UBAC2: variants seen among roughly 807,000 people sequenced by gnomAD.
The protein encoded by UBAC2 is ubiquitin-associated domain-containing protein 2.
A neutral mutation model predicts 44.0 loss-of-function variants in UBAC2; 26 were observed. That is an observed-to-expected ratio of 0.59 (90% CI 0.43 to 0.82). The LOEUF (loss-of-function observed/expected upper bound fraction) is 0.82, where lower values mean the gene tolerates loss of function less well. Among genes scored for constraint, UBAC2 ranks in the 40% least tolerant of loss-of-function variants. The probability of loss-of-function intolerance (pLI) is 0.00; values close to 1 mark genes in which losing one functional copy is unlikely to be tolerated. For synonymous variants in UBAC2, 155 were observed against 154.3 expected, an observed-to-expected ratio of 1.00 and a Z score of -0.04; for missense variants, 329 against 419.4, an observed-to-expected ratio of 0.78 and a Z score of 1.88.
At chr13:99,228,003 A>G (rs1594019992) in intron 1 of UBAC2, among the ~76,000 whole-genome samples, 1 of 152,326 alleles carries the variant, frequency 6.6e-6, no homozygotes, top group Non-Finnish European at 1.5e-5. Context: ...GAGACTTGAG[A>G]CCAAGAATTT....
At position 99,200,923 on chromosome 13, in the gene UBAC2, C is replaced by T. The variant is rs1405868550; in HGVS notation, c.15C>T (p.Thr5=). The T allele has an allele frequency of 5.4e-6, 7 of 1,306,604 alleles. No individual in the cohort carries two copies. The African/African-American group carries it at 7.6e-5, about 14-fold the overall frequency. 80.9% of individuals were successfully genotyped at this position (1,306,604 alleles called of 1,614,324 possible). A position where few individuals can be genotyped will look rare whatever the true frequency, so the allele number is the denominator to read the frequency against. ...CCGGCGGGACCATGTTCACCAGCAC[C>T]GGCTCCAGTGGGCTCTGTGAGTACC... The part of the protein sequence containing the change: MFTS[T]GSSGLYKAPL... Residue 5 remains threonine (T), a synonymous_variant, in exon 1 of 9, where the codon ACC becomes ACT. Coordinates refer to ENST00000403766, the MANE Select transcript of UBAC2 (RefSeq NM_001144072.2).
intron 4 of UBAC2, among the ~76,000 whole-genome samples, chr13:99,277,324 G>A (rs534065674): frequency 3.3e-5 from 5 of 152,138 alleles, no homozygotes; most frequent in African/African-American, 1.2e-4. Context: ...TCAGGAGTTC[G>A]AGACCAGCCT....
chr13:99,369,345 G>A (rs1191937460), intron 8 of UBAC2, among the ~76,000 whole-genome samples: 1 of 152,178 alleles, frequency 6.6e-6, no homozygotes, highest in African/African-American at 2.4e-5. Context: ...CAAATTTTGA[G>A]TTTTGCTCTT....
intron 1 of UBAC2, among the ~76,000 whole-genome samples, chr13:99,228,980 A>G (rs1194332998): frequency 6.6e-6 from 1 of 152,254 alleles, no homozygotes; most frequent in Admixed American, 6.5e-5. Context: ...CTTATGAATA[A>G]GATGAAGGTG....
intron 1 of UBAC2, among the ~76,000 whole-genome samples, chr13:99,236,951 G>A (rs1227318498): frequency 3.4e-5 from 5 of 148,388 alleles, no homozygotes; most frequent in Admixed American, 6.9e-5. Flanking sequence ...GTACAGTCAC[G>A]ATGGAAAACA....
At chr13:99,375,732 A>G (rs1469420376) in intron 8 of UBAC2, among the ~76,000 whole-genome samples, 3 of 151,924 alleles carry the variant, frequency 2.0e-5, no homozygotes, top group South Asian at 2.1e-4. Flanking sequence ...TATGTCAAAG[A>G]GGAGTTGAAT....
intron 1 of UBAC2, among the ~76,000 whole-genome samples, chr13:99,227,993 G>A (rs543025279): frequency 8.5e-5 from 13 of 152,326 alleles, no homozygotes; most frequent in African/African-American, 2.9e-4. Context: ...GTGTCACCTT[G>A]AGACTTGAGA....
At chr13:99,216,345 TC>T (rs1281179021) in intron 1 of UBAC2, among the ~76,000 whole-genome samples, 1 of 152,186 alleles carries the variant, frequency 6.6e-6, no homozygotes, top group African/African-American at 2.4e-5. Context: ...ACTCAGGTGA[TC>T]CGCTCACCTT....
intron 5 of UBAC2, among the ~76,000 whole-genome samples, chr13:99,316,596 G>A (rs1007288701): frequency 2.0e-5 from 3 of 152,210 alleles, no homozygotes; most frequent in Admixed American, 1.3e-4. Context: ...CCCACTGGGT[G>A]AGATGTAGCC....
chr13:99,356,863 T>A (rs7337972), intron 7 of UBAC2, among the ~76,000 whole-genome samples: 41,767 of 152,056 alleles, frequency 0.27, 5,934 homozygotes, highest in Middle Eastern at 0.32. Flanking sequence ...CTTATCCAAG[T>A]GGTGAATGTG....
At chr13:99,378,053 T>A in intron 8 of UBAC2, among the ~76,000 whole-genome samples, 1 of 152,206 alleles carries the variant, frequency 6.6e-6, no homozygotes, top group East Asian at 1.9e-4. Flanking sequence ...TGCATGCTGC[T>A]CTAGTCCTTC....
chr13:99,285,388 T>C (rs576581221), intron 4 of UBAC2, among the ~76,000 whole-genome samples: 1 of 151,638 alleles, frequency 6.6e-6, no homozygotes, highest in African/African-American at 2.4e-5. Context: ...ATTATTACCT[T>C]TCTTCTTTTT....
chr13:99,285,263 G>GCTGCTGCTC (rs2044003332), intron 4 of UBAC2, among the ~76,000 whole-genome samples: 1 of 151,898 alleles, frequency 6.6e-6, no homozygotes, highest in African/African-American at 2.4e-5. Context: ...TGCTGCTGCT[G>GCTGCTGCTC]CTGCTGCTCC....
intron 6 of UBAC2, among the ~76,000 whole-genome samples, chr13:99,324,045 C>G (rs1343483601): frequency 6.6e-6 from 1 of 152,200 alleles, no homozygotes; most frequent in Non-Finnish European, 1.5e-5. Flanking sequence ...CCTGTCACTT[C>G]TGTGAACCAT....
intron 4 of UBAC2, among the ~76,000 whole-genome samples, chr13:99,293,592 T>G (rs1375934948): frequency 6.6e-6 from 1 of 152,250 alleles, no homozygotes; most frequent in Non-Finnish European, 1.5e-5. Context: ...CAGTAAGATT[T>G]GGGCTTTCAT....
intron 4 of UBAC2, among the ~76,000 whole-genome samples, chr13:99,282,537 T>C (rs2043967235): frequency 6.6e-6 from 1 of 152,348 alleles, no homozygotes; most frequent in Non-Finnish European, 1.5e-5. Context: ...GTGTCAAAAT[T>C]TCCAGTCTAA....
At chr13:99,296,059 C>T (rs542364510) in intron 4 of UBAC2, 111 of 1,613,928 alleles carry the variant, frequency 6.9e-5, no homozygotes, top group Admixed American at 4.3e-4. Context: ...CTATCCTGGC[C>T]GTGCTGTGAT....
intron 8 of UBAC2, among the ~76,000 whole-genome samples, chr13:99,371,850 A>G (rs2045410561): frequency 6.6e-6 from 1 of 152,248 alleles, no homozygotes; most frequent in African/African-American, 2.4e-5. Flanking sequence ...AAAGCAGAAT[A>G]TTCTAAGAAG....
chr13:99,254,654 A>C (rs1051247626), intron 4 of UBAC2: 2 of 437,524 alleles, frequency 4.6e-6, no homozygotes, highest in African/African-American at 4.1e-5. Context: ...GAAATGCAAA[A>C]AGTTAATTAT....
Sources: allele counts gnomAD v4.1 joint callset (sites outside exome capture counted in the v4.1 genomes callset), GRCh38; gene constraint gnomAD v4.1.1; transcripts MANE v1.5; gene names NCBI Gene and HGNC (gene_info 2026-07-23, HGNC 2026-07-21).